Variants in SLC22A17 observed in about 807,000 individuals in gnomAD.
SLC22A17 encodes the protein 24p3 receptor.
SLC22A17 carries 38 observed loss-of-function variants against 53.6 expected under a neutral mutation model. The observed-to-expected ratio is 0.71, with a 90% CI of 0.55 to 0.93. The LOEUF (loss-of-function observed/expected upper bound fraction) is 0.93. Ranked by LOEUF, SLC22A17 falls within the 40% of genes least tolerant of loss-of-function variation. The pLI, the probability that SLC22A17 is intolerant of heterozygous loss-of-function variation, is 0.00. For synonymous variants in SLC22A17, 379 were observed against 353.0 expected, an observed-to-expected ratio of 1.07 and a Z score of -0.82; for missense variants, 704 against 791.0, an observed-to-expected ratio of 0.89 and a Z score of 1.32.
chr14:23,351,319 G>T (rs142252229), intron 3 of SLC22A17: 128 of 159,330 alleles, frequency 8.0e-4, no homozygotes, highest in African/African-American at 3.0e-3. Flanking sequence ...GGTCAGAAAT[G>T]GGGTAATTTG....
chr14:23,352,595 G>C lies in SLC22A17; in HGVS notation c.96+51C>G. 2.4e-6 allele frequency: 1 copy of C among 417,202 alleles called. No homozygotes were observed. Among genetic ancestry groups the C allele is most frequent in the South Asian group, 1.0e-4 (1 of 9,790 alleles). The allele number at this position is 417,202 out of a possible 1,614,324, so 25.8% of individuals were successfully genotyped here. On this transcript the variant is annotated intron_variant, in intron 1 of 9. Transcript: ENST00000397267. The surrounding 1 kb of genome is among the most constrained non-coding windows in gnomAD (Gnocchi z 7.2). ...GGAAAATGCCAGACGCTCCGCGGGGGCGGGGGTGCTGGGAGAGGATGGCGT... is the reference window on the plus strand; with the variant it reads ...GGAAAATGCCAGACGCTCCGCGGGGCCGGGGGTGCTGGGAGAGGATGGCGT...
At position 23,348,298 on chromosome 14, in the gene SLC22A17, C is replaced by T; in HGVS notation, c.1034G>A (p.Gly345Asp). Residue 345 changes from glycine (G) to aspartate (D), a missense_variant, in exon 6 of 10, where the codon GGT (glycine) becomes GAT (aspartate). By Grantham distance (94) the Gly-to-Asp change is moderately conservative. Coordinates refer to ENST00000397267, the Ensembl canonical transcript of SLC22A17. This position sits in a 1 kb window ranked among gnomAD's most constrained non-coding sequence, Gnocchi z 4.5. ...CCACCGTGCGGACTCCAGGAACAAA[C>T]CAGGCCAGCTGGGGGCAGGGGGGAA... 2.5e-6 allele frequency: 4 copies of T among 1,614,054 alleles called. No individual in the cohort carries two copies. Among genetic ancestry groups the T allele is most frequent in the Non-Finnish European group, 3.4e-6 (4 of 1,179,982 alleles).
exon 10 of SLC22A17, chr14:23,346,707 G>A (rs1361434926): frequency 1.3e-6 from 2 of 1,541,714 alleles, no homozygotes; most frequent in East Asian, 2.3e-5. Flanking sequence ...GTAGGGGGTG[G>A]CTGCCGCAGC....
At chr14:23,346,860 C>G in exon 10 of SLC22A17, 1 of 1,539,484 alleles carries the variant, frequency 6.5e-7, no homozygotes, top group Non-Finnish European at 8.7e-7. Flanking sequence ...GCTCCATGGC[C>G]CATGTGGAGG....
Position 23,349,094 on chromosome 14 carries a change from G to C in SLC22A17, c.859+178C>G, listed in dbSNP as rs190332052. 375 of 749,268 alleles carry C rather than the reference G, an allele frequency of 5.0e-4. 1 individual carries two copies. In the African/African-American group the frequency reaches 5.5e-3, roughly 11 times the overall value. The allele number at this position is 749,268 out of a possible 1,614,324, so 46.4% of individuals were successfully genotyped here. Reference sequence around the variant, plus strand: ...CAAAGACTTTAAAGATTGTCGGGAGGGGGAGATAGGTGTAGAGAGAAGCAA... The same window carrying C: ...CAAAGACTTTAAAGATTGTCGGGAGCGGGAGATAGGTGTAGAGAGAAGCAA... On this transcript the variant is annotated intron_variant, in intron 4 of 9. Transcript: ENST00000397267.
At chr14:23,350,736 G>A (rs1018778532) in intron 3 of SLC22A17, among the ~76,000 whole-genome samples, 1 of 152,212 alleles carries the variant, frequency 6.6e-6, no homozygotes, top group Non-Finnish European at 1.5e-5. Context: ...GATCTTTGGG[G>A]ATGAAACCAT....
Position 23,346,683 on chromosome 14 carries a change from C to T in SLC22A17, c.1915G>A (p.Val639Ile), listed in dbSNP as rs755060772. Residue 639 changes from valine (V) to isoleucine (I), a missense_variant, in exon 10 of 10, where the codon GTC becomes ATC. This residue lies in a region of SLC22A17 where 196 missense variants were observed against 171.5 expected (regional missense o/e 1.14). Transcript: ENST00000397267. The stretch of plus-strand genomic sequence containing the variant: ...GGGTTGGGGGTGGCAAGCAGCGGGA[C>T]GTGGTCACAGCGGGTAGGGGGTGGC... The T allele has an allele frequency of 1.2e-5, 19 of 1,524,920 alleles. No individual in the cohort carries two copies. Among genetic ancestry groups the T allele is most frequent in the Non-Finnish European group, 1.5e-5 (17 of 1,139,078 alleles). 94.5% of individuals were successfully genotyped at this position (1,524,920 alleles called of 1,614,324 possible). A position where few individuals can be genotyped will look rare whatever the true frequency, so the allele number is the denominator to read the frequency against.
chr14:23,346,352 A>C (rs1212186469), exon 10 of SLC22A17: 4 of 380,968 alleles, frequency 1.0e-5, no homozygotes. Flanking sequence ...ATTGAAACAG[A>C]ATGATAGAGC....
At chr14:23,351,967 G>T (rs1889658844) in exon 2 of SLC22A17, 1 of 1,612,990 alleles carries the variant, frequency 6.2e-7, no homozygotes, top group Non-Finnish European at 8.5e-7. Flanking sequence ...GGCGTTGGTG[G>T]TGAGCACAGG....
At position 23,352,289 on chromosome 14, in the gene SLC22A17, C is replaced by A. The variant is rs1889691572; in HGVS notation, c.259G>T (p.Val87Leu). The change falls in exon 2 of 10, where the codon GTG becomes TTG. Residue 87 changes from valine (V) to leucine (L), a missense_variant. Physicochemically the swap from Val to Leu is conservative, Grantham distance 32. Around this residue, in one of 4 missense-constraint regions of SLC22A17, gnomAD observed 31 missense variants for 62.3 expected, o/e 0.50. Transcript: ENST00000397267. This position sits in a 1 kb window ranked among gnomAD's most constrained non-coding sequence, Gnocchi z 7.2. ...TGCTGGCCGCCGCCCAGCGCCCCCA[C>A]CTGGGCGAGCAGCGCCTCAAAGCTG... is the stretch of plus-strand genomic sequence containing the variant. 1.4e-6 allele frequency: 2 copies of A among 1,402,668 alleles called. No homozygotes were observed. The highest frequency in any genetic ancestry group is 1.6e-5 in the South Asian group (1 of 64,228). The allele number at this position is 1,402,668 out of a possible 1,614,324, so 86.9% of individuals were successfully genotyped here. A position where few individuals can be genotyped will look rare whatever the true frequency, so the allele number is the denominator to read the frequency against.
At chr14:23,346,872 G>A (rs754473602) in exon 10 of SLC22A17, 13 of 1,538,156 alleles carry the variant, frequency 8.5e-6, no homozygotes, top group African/African-American at 4.1e-5. Flanking sequence ...ATGTGGAGGC[G>A]CTGGGCCGGG....
chr14:23,348,383 G>A lies in SLC22A17; in HGVS notation c.1026-77C>T, dbSNP rs1889378327. ...AGGGGTGGGAAATGTGCACCTCTGA[G>A]GGACTGGGGCTGGGGTAGGCCTGGA... On this transcript the variant is annotated intron_variant, in intron 5 of 9. Coordinates refer to ENST00000397267, the Ensembl canonical transcript of SLC22A17. The surrounding 1 kb of genome is among the most constrained non-coding windows in gnomAD (Gnocchi z 4.5). The A allele has an allele frequency of 1.9e-6, 3 of 1,592,130 alleles. No individual in the cohort carries two copies. In the East Asian group the frequency reaches 6.7e-5, roughly 36 times the overall value.
Position 23,347,860 on chromosome 14 carries a change from C to T in SLC22A17, c.1277+31G>A. ...AGCCAGCCCCCATTCCAGCTACTGG[C>T]CTGGCCCTCAGCCCAGACACCCAGG... On this transcript the variant is annotated intron_variant, in intron 7 of 9. Transcript: ENST00000397267. This position sits in a 1 kb window ranked among gnomAD's most constrained non-coding sequence, Gnocchi z 5.1. 1.2e-6 allele frequency: 2 copies of T among 1,612,522 alleles called. No homozygotes were observed. Among genetic ancestry groups the T allele is most frequent in the Non-Finnish European group, 1.7e-6 (2 of 1,178,608 alleles).
At chr14:23,346,893 C>T in exon 10 of SLC22A17, 1 of 1,538,920 alleles carries the variant, frequency 6.5e-7, no homozygotes, top group South Asian at 1.2e-5. Context: ...CCGCTCAGTC[C>T]TCCAAGCGCC....
At chr14:23,349,686 C>T (rs1595011298) in intron 3 of SLC22A17, 1 of 541,106 alleles carries the variant, frequency 1.8e-6, no homozygotes, top group East Asian at 3.1e-5. Flanking sequence ...GATTAGGGCA[C>T]TTGTCAATGG....
At chr14:23,346,798 G>A in exon 10 of SLC22A17, 1 of 1,542,798 alleles carries the variant, frequency 6.5e-7, no homozygotes, top group Non-Finnish European at 8.7e-7. Flanking sequence ...GCAGCATAAT[G>A]CTGAGAATGC....
Position 23,352,236 on chromosome 14 carries a change from C to A in SLC22A17, c.312G>T (p.Pro104=). 6.9e-7 allele frequency: 1 copy of A among 1,454,022 alleles called. No individual in the cohort carries two copies. Among genetic ancestry groups the A allele is most frequent in the East Asian group, 2.6e-5 (1 of 37,960 alleles). 90.1% of individuals were successfully genotyped at this position (1,454,022 alleles called of 1,614,324 possible). Residue 104 remains proline (P), a synonymous_variant, in exon 2 of 10, where the codon CCG becomes CCT. Coordinates refer to ENST00000397267, the Ensembl canonical transcript of SLC22A17. This position sits in a 1 kb window ranked among gnomAD's most constrained non-coding sequence, Gnocchi z 7.2. ...CCATGCCCAGAGCCACGAAGAGCAC[C>A]GGCAGGCAGCAGAGGCCGAGCTGCA... is the stretch of plus-strand genomic sequence containing the variant.
rs982374712 is a variant in SLC22A17, at chr14:23,349,348, G to A, written c.783C>T (p.Ser261=). 6 of 1,613,922 alleles carry A rather than the reference G, an allele frequency of 3.7e-6. No individual in the cohort carries two copies. The African/African-American group carries it at 4.0e-5, about 11-fold the overall frequency. The change falls in exon 4 of 10, where the codon TCC becomes TCT. Residue 261 remains serine (S), a synonymous_variant. Coordinates refer to ENST00000397267, the Ensembl canonical transcript of SLC22A17. ...ATCGGAGGGCCATGACGCCTGTGGA[G>A]GAGCCTGCAGCAGCCCCTCCTACTC...
At chr14:23,346,963 G>A (rs750608606) in intron 9 of SLC22A17, 27 bp from the exon 10 acceptor site, 167 of 1,517,416 alleles carry the variant, frequency 1.1e-4, no homozygotes, top group Non-Finnish European at 1.3e-4. Context: ...GAGGAGCTCA[G>A]CCCACAGCTG....
Sources: gnomAD v4.1 joint callset for allele counts (sites outside exome capture counted in the v4.1 genomes callset) on GRCh38, gnomAD v4.1.1 for gene constraint, gnomAD v4.1.1 regional missense constraint, Gnocchi (gnomAD v3.1) non-coding constraint, MANE v1.5 for transcripts, NCBI Gene and HGNC (gene_info 2026-07-23, HGNC 2026-07-21) for gene names.